CLEC17A: variants seen among roughly 807,000 people sequenced by gnomAD.
CLEC17A encodes C-type lectin domain containing 17A.
A neutral mutation model predicts 61.3 loss-of-function variants in CLEC17A; 37 were observed. The ratio of observed to expected loss-of-function variants is 0.60; its 90% CI spans 0.46 to 0.79. The LOEUF (loss-of-function observed/expected upper bound fraction) is 0.79. CLEC17A is among the 30% of genes least tolerant of loss of function. The pLI is 0.00. For missense variants in CLEC17A, 418 were observed against 464.7 expected (o/e 0.90, Z 0.92); for synonymous variants, 168 against 164.9 (o/e 1.02, Z -0.14).
rs142462342 is a variant in CLEC17A, at chr19:14,604,677, C to T, written c.895-2316C>T. Among the ~76,000 whole-genome samples, 834 of 151,744 alleles carry T rather than the reference C, an allele frequency of 5.5e-3. 13 individuals are homozygous for T. The highest frequency in any genetic ancestry group is 0.019 in the African/African-American group (779 of 41,402). ...ACTCAGGAGGCTGAGGCAGGAAAAT[C>T]GCTTGAACCTGCGAGGCGGAGGGTG... On this transcript the variant is annotated intron_variant, in intron 12 of 13. Coordinates refer to ENST00000417570, the MANE Select transcript of CLEC17A (RefSeq NM_001204118.2).
chr19:14,598,296 T>C lies in CLEC17A; in HGVS notation c.646+1135T>C, dbSNP rs559023716. 4.2e-5 allele frequency among the ~76,000 whole-genome samples: 5 copies of C among 118,946 alleles called. No homozygotes were observed. The East Asian group carries it at 1.1e-3, about 27-fold the overall frequency. 78.0% of individuals were successfully genotyped at this position (118,946 alleles called of 152,430 possible). A position where few individuals can be genotyped will look rare whatever the true frequency, so the allele number is the denominator to read the frequency against. ...AGCAAGACTTTCTTTCGTTTGTTTG[T>C]TCTTTCTTTCTCTCTCTCTCTCTCT... On this transcript the variant is annotated intron_variant, in intron 10 of 13. Coordinates refer to ENST00000417570, the MANE Select transcript of CLEC17A (RefSeq NM_001204118.2).
In CLEC17A at chr19:14,586,920, A is replaced by G. The variant is rs961914532; in HGVS notation, c.122-694A>G. ...TTTTTTTTTTTTGAGACAGAATCTC[A>G]CTCTGTCACTCAGGCTGGAGTGCAG... On this transcript the variant is annotated intron_variant, in intron 2 of 13. Transcript: ENST00000417570. 2.8e-3 allele frequency among the ~76,000 whole-genome samples: 374 copies of G among 135,988 alleles called. 2 individuals carry two copies. The highest frequency in any genetic ancestry group is 0.01 in the African/African-American group (361 of 35,106). 89.2% of individuals were successfully genotyped at this position (135,988 alleles called of 152,430 possible).
At chr19:14,605,359 G>A (rs2074833703) in intron 12 of CLEC17A, among the ~76,000 whole-genome samples, 1 of 151,988 alleles carries the variant, frequency 6.6e-6, no homozygotes, top group Non-Finnish European at 1.5e-5. Context: ...GCCTCCCAAA[G>A]TGCTGGGATT....
intron 13 of CLEC17A, 28 bp downstream of exon 13, chr19:14,607,130 T>C: frequency 9.0e-7 from 1 of 1,110,318 alleles, no homozygotes; most frequent in Non-Finnish European, 1.2e-6. Context: ...CTGGGGTCTC[T>C]CTGCTTCCTC....
chr19:14,604,463 C>T (rs2074803534), intron 12 of CLEC17A, among the ~76,000 whole-genome samples: 1 of 152,022 alleles, frequency 6.6e-6, no homozygotes, highest in South Asian at 2.1e-4. Context: ...ATTTCAATCA[C>T]CTTAAGAATG....
At chr19:14,592,607 A>G (rs28704901) in intron 4 of CLEC17A, among the ~76,000 whole-genome samples, 36,168 of 151,958 alleles carry the variant, frequency 0.24, 7,961 homozygotes, top group African/African-American at 0.59. Context: ...GGGGACTGAG[A>G]GCTCAATTAG....
intron 11 of CLEC17A, 32 bp downstream of exon 11, chr19:14,599,844 G>C: frequency 6.3e-7 from 1 of 1,577,122 alleles, no homozygotes. Flanking sequence ...GCCCAGGGAT[G>C]GGGGGCATGG....
chr19:14,604,049 G>T (rs2074791151), intron 12 of CLEC17A, among the ~76,000 whole-genome samples: 1 of 152,124 alleles, frequency 6.6e-6, no homozygotes, highest in South Asian at 2.1e-4. Context: ...TTTTCCTGCT[G>T]TTCTTGGGCA....
At chr19:14,609,718 A>G (rs1234720117) in intron 13 of CLEC17A, among the ~76,000 whole-genome samples, 1 of 151,980 alleles carries the variant, frequency 6.6e-6, no homozygotes, top group Non-Finnish European at 1.5e-5. Flanking sequence ...GACACCTGTA[A>G]TCCCAGCTAC....
chr19:14,587,836 A>T, intron 3 of CLEC17A, 145 bp downstream of exon 3: 1 of 1,503,002 alleles, frequency 6.7e-7, no homozygotes, highest in African/African-American at 1.4e-5. Flanking sequence ...CCTGCCCAGG[A>T]GGACCTGTCA....
rs1287288205 is a variant in CLEC17A at position 14,611,480 on chromosome 19, T to TGATC, written c.*1285_*1288dup. Among the ~76,000 whole-genome samples, 1 of 147,098 alleles carries TGATC rather than the reference T, an allele frequency of 6.8e-6. No individual in the cohort carries two copies. Among genetic ancestry groups the TGATC allele is most frequent in the Non-Finnish European group, 1.5e-5 (1 of 67,384 alleles). ...GCACCCTCTGCCTCCTGGGCTCGAG[T>TGATC]GATCCTCCTGCCTCAGCCTCCCAAG... On this transcript the variant is annotated 3_prime_UTR_variant, in exon 14 of 14. Coordinates refer to ENST00000417570, the MANE Select transcript of CLEC17A (RefSeq NM_001204118.2).
intron 10 of CLEC17A, 113 bp from the exon 11 acceptor site, chr19:14,599,604 G>T (rs1214974411): frequency 1.3e-6 from 1 of 772,584 alleles, no homozygotes. Context: ...ACTGGAATGT[G>T]GACACAGTGG....
chr19:14,596,790 C>T (rs1310723767), intron 8 of CLEC17A, 86 bp from the exon 9 acceptor site: 3 of 1,473,496 alleles, frequency 2.0e-6, no homozygotes, highest in Non-Finnish European at 1.8e-6. Context: ...CTTCTGCCCC[C>T]TGCTCTTGGA....
At chr19:14,609,409 C>T (rs1040668685) in intron 13 of CLEC17A, among the ~76,000 whole-genome samples, 3 of 152,166 alleles carry the variant, frequency 2.0e-5, no homozygotes, top group Non-Finnish European at 4.4e-5. Flanking sequence ...ATAAATCCTA[C>T]ACACTCGAGT....
intron 12 of CLEC17A, among the ~76,000 whole-genome samples, chr19:14,605,635 T>A (rs1006675394): frequency 6.6e-6 from 1 of 152,212 alleles, no homozygotes; most frequent in Non-Finnish European, 1.5e-5. Context: ...ACCAGTCTAA[T>A]TTCTTTCACC....
chr19:14,583,386 G>T lies in CLEC17A; in HGVS notation c.73G>T (p.Asp25Tyr). 6.2e-7 allele frequency: 1 copy of T among 1,612,356 alleles called. No individual in the cohort carries two copies. The highest frequency in any genetic ancestry group is 1.1e-5 in the South Asian group (1 of 90,900). ...CATGGAGGAGGAGGAGGAGGATGATGACTATGAGAACTCAACACCTCCCTA... is the reference window on the plus strand; with the variant it reads ...CATGGAGGAGGAGGAGGAGGATGATTACTATGAGAACTCAACACCTCCCTA... Reference protein sequence around the residue: ...GTMEEEEEDDDYENSTPPYKD... With the variant: ...GTMEEEEEDDYYENSTPPYKD... Residue 25 changes from aspartate to tyrosine, a missense_variant, in exon 2 of 14, where the codon GAC (aspartate) becomes TAC (tyrosine). By Grantham distance (160) the Asp-to-Tyr change is radical. Coordinates refer to ENST00000417570, the MANE Select transcript of CLEC17A (RefSeq NM_001204118.2).
rs746055612 is a variant in CLEC17A, at chr19:14,599,781, C to G, written c.711C>G (p.Asn237Lys). 1.9e-6 allele frequency: 3 copies of G among 1,613,740 alleles called. No homozygotes were observed. The highest frequency in any genetic ancestry group is 1.7e-5 in the Admixed American group (1 of 59,978). Residue 237 changes from asparagine to lysine, a missense_variant, in exon 11 of 14, where the codon AAC becomes AAG. Transcript: ENST00000417570. The stretch of plus-strand genomic sequence containing the variant: ...TTGCCCGTGTAAGAGCTGACACCAA[C>G]CAGTCCCTGGTGGAACTTTGGGGCT... ...HDIARVRADT[N>K]QSLVELWGLL...
At chr19:14,587,495 G>C in intron 2 of CLEC17A, 119 bp from the exon 3 acceptor site, 3 of 1,336,888 alleles carry the variant, frequency 2.2e-6, no homozygotes, top group Non-Finnish European at 3.1e-6. Context: ...TGGGGCCCAG[G>C]TGTGGTCAAG....
chr19:14,606,866 G>C, intron 12 of CLEC17A, 127 bp from the exon 13 acceptor site: 1 of 361,878 alleles, frequency 2.8e-6, no homozygotes. Flanking sequence ...GCATACCATG[G>C]GGACGGGGAC....
Sources: allele counts gnomAD v4.1 joint callset (sites outside exome capture counted in the v4.1 genomes callset), GRCh38; gene constraint gnomAD v4.1.1; transcripts MANE v1.5; gene names NCBI Gene and HGNC (gene_info 2026-07-23, HGNC 2026-07-21).